MPRIP: variants seen among roughly 807,000 people sequenced by gnomAD.
MPRIP encodes the protein myosin phosphatase Rho-interacting protein.
Under a neutral mutation model 234.9 loss-of-function variants are expected in MPRIP, and 59 were observed. That is an observed-to-expected ratio of 0.25 (90% CI 0.20 to 0.31). The LOEUF is 0.31. MPRIP is among the 10% of genes least tolerant of loss of function. The probability of loss-of-function intolerance (pLI) is 1.00; values close to 1 mark genes in which losing one functional copy is unlikely to be tolerated. For synonymous variants in MPRIP, 1,144 were observed against 1,263.9 expected (o/e 0.91, Z 2.01); for missense variants, 2,436 against 3,071.0 (o/e 0.79, Z 4.89).
At chr17:17,048,493 C>T (rs1330250606) in intron 1 of MPRIP, among the ~76,000 whole-genome samples, 3 of 152,220 alleles carry the variant, frequency 2.0e-5, no homozygotes, top group Non-Finnish European at 4.4e-5. Context: ...TGTAGAAGAT[C>T]TGTAACAGGA....
intron 1 of MPRIP, among the ~76,000 whole-genome samples, chr17:17,060,409 T>G (rs1253569604): frequency 6.6e-6 from 1 of 152,208 alleles, no homozygotes; most frequent in Non-Finnish European, 1.5e-5. Context: ...TGGAATGGCC[T>G]GCTAAACTGG....
intron 7 of MPRIP, among the ~76,000 whole-genome samples, chr17:17,139,954 C>T (rs1047931159): frequency 9.9e-5 from 15 of 152,212 alleles, no homozygotes; most frequent in African/African-American, 3.6e-4. Context: ...AAAACTGAGG[C>T]TCAGGAGTAG....
At position 17,161,370 on chromosome 17, in the gene MPRIP, G is replaced by T. The variant is rs755553215; in HGVS notation, c.2517+14G>T. Reference sequence around the variant, plus strand: ...TACGTGCTGCAGGTAGGGTGGAGGGGCTGCTGTGGCCCATGGTGCGCTCAG... The same window carrying T: ...TACGTGCTGCAGGTAGGGTGGAGGGTCTGCTGTGGCCCATGGTGCGCTCAG... On this transcript the variant is annotated intron_variant, in intron 15 of 23. Coordinates refer to ENST00000651222, the MANE Select transcript of MPRIP (RefSeq NM_001364716.4). 14 of 1,538,966 alleles carry T rather than the reference G, an allele frequency of 9.1e-6. No homozygotes were observed. In the East Asian group the frequency reaches 2.8e-4, roughly 31 times the overall value.
intron 9 of MPRIP, among the ~76,000 whole-genome samples, chr17:17,144,563 G>T (rs1172357470): frequency 6.6e-6 from 1 of 152,166 alleles, no homozygotes; most frequent in Non-Finnish European, 1.5e-5. Context: ...TTTTGTTAAA[G>T]ATCTGCAAGC....
chr17:17,042,938 G>T lies in MPRIP; in HGVS notation c.90G>T (p.Glu30Asp). The T allele has an allele frequency of 6.2e-7, 1 of 1,611,382 alleles. No homozygotes were observed. The highest frequency in any genetic ancestry group is 8.5e-7 in the Non-Finnish European group (1 of 1,179,110). Residue 30 changes from glutamate (E) to aspartate (D), a missense_variant, in exon 1 of 24, where the codon GAG becomes GAT. Physicochemically the swap from Glu to Asp is conservative, Grantham distance 45. This residue lies in a region of MPRIP where 140 missense variants were observed against 207.3 expected (regional missense o/e 0.68). Coordinates refer to ENST00000651222, the MANE Select transcript of MPRIP (RefSeq NM_001364716.4). ...GTCAGAACTGCTTCAAGCCCCGCGA[G>T]TCGCATCTGCTCAACGACGAGGACC... is the stretch of plus-strand genomic sequence containing the variant. Reference protein sequence around the residue: ...SKCQNCFKPRESHLLNDEDLT... With the variant: ...SKCQNCFKPRDSHLLNDEDLT...
At chr17:17,184,716 C>G (rs1162969220) in intron 23 of MPRIP, 107 bp from the exon 24 acceptor site, 17 of 796,596 alleles carry the variant, frequency 2.1e-5, no homozygotes, top group Non-Finnish European at 3.2e-5. Flanking sequence ...GCACCCGGCT[C>G]TCTGACTGAT....
intron 1 of MPRIP, among the ~76,000 whole-genome samples, chr17:17,068,876 C>T (rs1240953513): frequency 6.6e-6 from 1 of 152,034 alleles, no homozygotes; most frequent in Non-Finnish European, 1.5e-5. Flanking sequence ...CTTTTTCTTG[C>T]TTTTGATATA....
chr17:17,131,689 C>A lies in MPRIP; in HGVS notation c.492C>A (p.Pro164=). ...QNQKKKRKVE[P]PTPQEPGPAK... is the part of the protein sequence containing the mutation. ...AGAAGAAGAAACGGAAAGTGGAGCC[C>A]CCCACACCACAGGTAGGCAGTGGGT... The change falls in exon 5 of 24, where the codon CCC becomes CCA. Residue 164 remains proline, a synonymous_variant. Coordinates refer to ENST00000651222, the MANE Select transcript of MPRIP (RefSeq NM_001364716.4). The A allele has an allele frequency of 6.2e-7, 1 of 1,614,156 alleles. No homozygotes were observed. The highest frequency in any genetic ancestry group is 8.5e-7 in the Non-Finnish European group (1 of 1,179,996).
chr17:17,172,540 A>G (rs1393327345), intron 17 of MPRIP, among the ~76,000 whole-genome samples, 158 bp from the exon 18 acceptor site: 4 of 152,190 alleles, frequency 2.6e-5, no homozygotes, highest in African/African-American at 4.8e-5. Flanking sequence ...GAATTGGTTC[A>G]TGAGGGGCCA....
At chr17:17,120,805 G>A (rs569268455) in intron 3 of MPRIP, among the ~76,000 whole-genome samples, 1 of 152,342 alleles carries the variant, frequency 6.6e-6, no homozygotes, top group Admixed American at 6.5e-5. Flanking sequence ...GAGTTGCTTT[G>A]CTGACAGCGT....
At chr17:17,173,774 C>G (rs1362613126) in intron 18 of MPRIP, 142 bp from the exon 19 acceptor site, 1 of 960,610 alleles carries the variant, frequency 1.0e-6, no homozygotes, top group Non-Finnish European at 1.6e-6. Context: ...ATCCCTTACT[C>G]TGTATGACCC....
intron 1 of MPRIP, among the ~76,000 whole-genome samples, chr17:17,064,576 C>T (rs1267140623): frequency 6.6e-6 from 1 of 152,184 alleles, no homozygotes. Context: ...CAACCCCAGC[C>T]ACCCAGGAAT....
chr17:17,054,014 A>C (rs2088619885), intron 1 of MPRIP, among the ~76,000 whole-genome samples: 1 of 152,286 alleles, frequency 6.6e-6, no homozygotes, highest in South Asian at 2.1e-4. Context: ...TGATATAAAC[A>C]GGATTTAAGT....
intron 23 of MPRIP, chr17:17,180,472 C>T: frequency 1.2e-6 from 1 of 832,704 alleles, no homozygotes; most frequent in Non-Finnish European, 2.1e-6. Flanking sequence ...GCTCTTGTTC[C>T]CCAGCCAGGA....
intron 11 of MPRIP, among the ~76,000 whole-genome samples, chr17:17,148,275 C>T (rs2045522969): frequency 6.6e-6 from 1 of 152,184 alleles, no homozygotes; most frequent in South Asian, 2.1e-4. Flanking sequence ...AAGAGCACTT[C>T]CGAGTGTGGT....
intron 1 of MPRIP, among the ~76,000 whole-genome samples, chr17:17,075,439 T>TG (rs1396023353): frequency 2.0e-5 from 3 of 152,266 alleles, no homozygotes; most frequent in Admixed American, 1.3e-4. Context: ...ATCAGTAACT[T>TG]GCAGGAGACA....
chr17:17,051,218 A>G lies in MPRIP; in HGVS notation c.123+8247A>G, dbSNP rs76111513. Among the ~76,000 whole-genome samples the G allele has an allele frequency of 6.7e-3, 1,014 of 152,346 alleles. 13 individuals are homozygous for G. The highest frequency in any genetic ancestry group is 0.024 in the African/African-American group (983 of 41,580). ...TTTGGGCAACCTCATGTTCTTTAGC[A>G]GAAATAAAGAAATTTAACTCAGAAT... On this transcript the variant is annotated intron_variant, in intron 1 of 23. Coordinates refer to ENST00000651222, the MANE Select transcript of MPRIP (RefSeq NM_001364716.4).
intron 14 of MPRIP, among the ~76,000 whole-genome samples, chr17:17,159,821 G>A (rs975543299): frequency 1.3e-5 from 2 of 152,208 alleles, no homozygotes; most frequent in Non-Finnish European, 2.9e-5. Context: ...TACGTAAGTA[G>A]CTTGTTAAAG....
intron 1 of MPRIP, among the ~76,000 whole-genome samples, chr17:17,066,360 ATTTTGTCAAATGCT>A (rs1377764982): frequency 1.3e-5 from 2 of 152,098 alleles, no homozygotes; most frequent in Non-Finnish European, 2.9e-5. Flanking sequence ...TGGATGTTGG[ATTTTGTCAAATGCT>A]TTTTCTGCAT....
Sources: gnomAD v4.1 joint callset for allele counts (sites outside exome capture counted in the v4.1 genomes callset) on GRCh38, gnomAD v4.1.1 for gene constraint, gnomAD v4.1.1 regional missense constraint, MANE v1.5 for transcripts, NCBI Gene and HGNC (gene_info 2026-07-23, HGNC 2026-07-21) for gene names.